Variants in MAN2A1 observed in about 807,000 individuals in gnomAD.
MAN2A1 encodes mannosidase alpha class 2A member 1, also known as alpha-mannosidase 2.
Under a neutral mutation model 142.6 loss-of-function variants are expected in MAN2A1, and 76 were observed. That is an observed-to-expected ratio of 0.53 (90% CI 0.44 to 0.65). MAN2A1 has a LOEUF of 0.65. MAN2A1 is among the 30% of genes least tolerant of loss of function. The pLI, the probability that MAN2A1 is intolerant of heterozygous loss-of-function variation, is 0.00. For synonymous variants in MAN2A1, 559 were observed against 473.2 expected (o/e 1.18, Z -2.35); for missense variants, 1,311 against 1,365.1 (o/e 0.96, Z 0.62).
rs116634710 is a variant in MAN2A1, at chr5:109,820,596, C to G, written c.2451+254C>G. Among the ~76,000 whole-genome samples the G allele has an allele frequency of 0.045, 6,841 of 152,140 alleles. 195 individuals carry two copies. Among genetic ancestry groups the G allele is most frequent in the South Asian group, 0.098 (470 of 4,812 alleles). Reference sequence around the variant, plus strand: ...GGCCAAGGAGGGTAGATTGCTTGAGCTCAGGAGTTCAAGACCAGCCTGGGC... The same window carrying G: ...GGCCAAGGAGGGTAGATTGCTTGAGGTCAGGAGTTCAAGACCAGCCTGGGC... On this transcript the variant is annotated intron_variant, in intron 15 of 21. Coordinates refer to ENST00000261483, the MANE Select transcript of MAN2A1 (RefSeq NM_002372.4).
At position 109,721,751 on chromosome 5, in the gene MAN2A1, C is replaced by T. The variant is rs372841054; in HGVS notation, c.535+5487C>T. ...GAGGAGCACATATGTTAAGCAGCTG[C>T]TGAGAAATTTAGATGATCATTAAAT... On this transcript the variant is annotated intron_variant, in intron 3 of 21. Transcript: ENST00000261483. 9.2e-5 allele frequency among the ~76,000 whole-genome samples: 14 copies of T among 152,274 alleles called. 1 individual carries two copies. Among genetic ancestry groups the T allele is most frequent in the Admixed American group, 2.6e-4 (4 of 15,296 alleles).
At chr5:109,715,042 C>T (rs968576652) in intron 2 of MAN2A1, among the ~76,000 whole-genome samples, 4 of 149,484 alleles carry the variant, frequency 2.7e-5, no homozygotes, top group Non-Finnish European at 5.9e-5. Flanking sequence ...CTGGGCTGGA[C>T]AGAAAGGAGT....
rs781062585 is a variant in MAN2A1 at position 109,820,228 on chromosome 5, G to C, written c.2337G>C (p.Met779Ile). 1 of 1,602,530 alleles carries C rather than the reference G, an allele frequency of 6.2e-7. No individual in the cohort carries two copies. Among genetic ancestry groups the C allele is most frequent in the African/African-American group, 1.3e-5 (1 of 74,466 alleles). The part of the protein sequence containing the change: ...FDQTGLMKQM[M>I]TKEDGKHHEV... The stretch of plus-strand genomic sequence containing the variant: ...TTTTTTTTAATCTTTAGCAAATGAT[G>C]ACTAAAGAAGATGGTAAACACCATG... The change falls in exon 15 of 22, where the codon ATG becomes ATC. Residue 779 changes from methionine (M) to isoleucine (I), a missense_variant. Physicochemically the swap from Met to Ile is conservative, Grantham distance 10 (BLOSUM62 1). This residue lies in a region of MAN2A1 where 890 missense variants were observed against 920.5 expected (regional missense o/e 0.97). Coordinates refer to ENST00000261483, the MANE Select transcript of MAN2A1 (RefSeq NM_002372.4).
chr5:109,861,064 A>C (rs1755743164), intron 20 of MAN2A1, among the ~76,000 whole-genome samples: 1 of 152,198 alleles, frequency 6.6e-6, no homozygotes, highest in Admixed American at 6.5e-5. Flanking sequence ...TAAACTTTGG[A>C]GTCAGATGTC....
chr5:109,746,586 T>G (rs1203794530), intron 4 of MAN2A1, among the ~76,000 whole-genome samples: 1 of 151,882 alleles, frequency 6.6e-6, no homozygotes, highest in Non-Finnish European at 1.5e-5. Flanking sequence ...TTTTTTTTTT[T>G]TTTTGAGTGG....
At position 109,866,953 on chromosome 5, in the gene MAN2A1, C is replaced by T. The variant is rs777685985; in HGVS notation, c.3390C>T (p.Asn1130=). The part of the protein sequence containing the change: ...PPGTQNISEI[N]LSPMEISTFR... The stretch of plus-strand genomic sequence containing the variant: ...GCACTCAGAATATAAGTGAGATCAA[C>T]TTGAGTCCAATGGAAATCAGCACAT... The change falls in exon 22 of 22, where the codon AAC becomes AAT. Residue 1130 remains asparagine, a synonymous_variant. Transcript: ENST00000261483. The T allele has an allele frequency of 3.7e-6, 6 of 1,612,486 alleles. No individual in the cohort carries two copies. The highest frequency in any genetic ancestry group is 1.1e-5 in the South Asian group (1 of 90,804).
At chr5:109,704,072 G>T (rs17162094) in intron 1 of MAN2A1, among the ~76,000 whole-genome samples, 8,165 of 152,238 alleles carry the variant, frequency 0.054, 224 homozygotes, top group Non-Finnish European at 0.064. Context: ...TATTATTTGA[G>T]GTCAGGGCTT....
intron 1 of MAN2A1, among the ~76,000 whole-genome samples, chr5:109,692,755 A>G (rs968809282): frequency 7.7e-6 from 1 of 129,516 alleles, no homozygotes; most frequent in Non-Finnish European, 1.6e-5. Flanking sequence ...GGTACCAGGG[A>G]CTGGTTTCCT....
chr5:109,773,764 T>G (rs1175844547), intron 7 of MAN2A1, among the ~76,000 whole-genome samples: 1 of 152,202 alleles, frequency 6.6e-6, no homozygotes, highest in African/African-American at 2.4e-5. Flanking sequence ...ATAATTTTTA[T>G]AAGATGCTTC....
At chr5:109,705,680 A>G (rs1198233108) in intron 1 of MAN2A1, among the ~76,000 whole-genome samples, 1 of 152,248 alleles carries the variant, frequency 6.6e-6, no homozygotes, top group African/African-American at 2.4e-5. Context: ...ATGTGTTATC[A>G]TACAGATCTT....
chr5:109,715,551 T>C (rs1751429365), intron 2 of MAN2A1, among the ~76,000 whole-genome samples: 1 of 152,086 alleles, frequency 6.6e-6, no homozygotes, highest in African/African-American at 2.4e-5. Context: ...AAAATTTTTC[T>C]CAATTTTTAG....
intron 20 of MAN2A1, among the ~76,000 whole-genome samples, chr5:109,857,612 GTTTTACCTTCTGTAA>G (rs1466340209): frequency 1.3e-5 from 2 of 152,154 alleles, no homozygotes; most frequent in Non-Finnish European, 2.9e-5. Flanking sequence ...TGAGCATAGG[GTTTTACCTTCTGTAA>G]ACGAAGCCTG....
At chr5:109,763,026 G>C (rs772086262) in intron 5 of MAN2A1, among the ~76,000 whole-genome samples, 11 of 152,202 alleles carry the variant, frequency 7.2e-5, no homozygotes, top group Non-Finnish European at 8.8e-5. Context: ...TCCCTTACAG[G>C]GTTACAACAG....
chr5:109,709,846 T>C (rs1751245853), intron 1 of MAN2A1, among the ~76,000 whole-genome samples: 1 of 152,228 alleles, frequency 6.6e-6, no homozygotes. Flanking sequence ...TTCTCATAAG[T>C]GATTTTCTTG....
chr5:109,849,359 A>T lies in MAN2A1; in HGVS notation c.2976+1569A>T, dbSNP rs533571062. On this transcript the variant is annotated intron_variant, in intron 19 of 21. Coordinates refer to ENST00000261483, the MANE Select transcript of MAN2A1 (RefSeq NM_002372.4). Reference sequence around the variant, plus strand: ...TGCTTCCTGATATTCTCTGTTTAGAAGGACACCTCAAGTTTGACATATCCA... The same window carrying T: ...TGCTTCCTGATATTCTCTGTTTAGATGGACACCTCAAGTTTGACATATCCA... Among the ~76,000 whole-genome samples the T allele has an allele frequency of 2.6e-5, 4 of 152,254 alleles. No individual in the cohort carries two copies. The East Asian group carries it at 7.7e-4, about 29-fold the overall frequency.
intron 12 of MAN2A1, among the ~76,000 whole-genome samples, chr5:109,789,913 A>G (rs948871219): frequency 1.3e-5 from 2 of 151,794 alleles, no homozygotes; most frequent in Non-Finnish European, 2.9e-5. Context: ...AAACTTTATT[A>G]TTATTGGAAG....
rs559339625 is a variant in MAN2A1 at position 109,705,672 on chromosome 5, G to A, written c.136-7848G>A. Among the ~76,000 whole-genome samples the A allele has an allele frequency of 3.9e-4, 59 of 152,342 alleles. 1 individual carries two copies. Among genetic ancestry groups the A allele is most frequent in the Middle Eastern group, 3.4e-3 (1 of 294 alleles). The stretch of plus-strand genomic sequence containing the variant: ...CTTAGTGGCGTAAAACAAGAAAAAT[G>A]TGTTATCATACAGATCTTTAGGTCA... On this transcript the variant is annotated intron_variant, in intron 1 of 21. Transcript: ENST00000261483.
intron 1 of MAN2A1, among the ~76,000 whole-genome samples, chr5:109,708,502 C>T (rs1434075275): frequency 1.6e-5 from 1 of 63,616 alleles, no homozygotes; most frequent in African/African-American, 8.1e-5. Flanking sequence ...AAAGACAGAA[C>T]TGATAGGACA....
intron 15 of MAN2A1, among the ~76,000 whole-genome samples, chr5:109,822,736 G>C (rs998673611): frequency 4.0e-5 from 6 of 151,770 alleles, no homozygotes; most frequent in Admixed American, 3.3e-4. Flanking sequence ...GGAATGCAGT[G>C]GCGCGATCTC....
Sources: gnomAD v4.1 joint callset for allele counts (sites outside exome capture counted in the v4.1 genomes callset) on GRCh38, gnomAD v4.1.1 for gene constraint, gnomAD v4.1.1 regional missense constraint, MANE v1.5 for transcripts, NCBI Gene and HGNC (gene_info 2026-07-23, HGNC 2026-07-21) for gene names.